Variants in DLGAP2 observed in about 807,000 individuals in gnomAD.
DLGAP2 encodes disks large-associated protein 2.
A neutral mutation model predicts 100.3 loss-of-function variants in DLGAP2; 26 were observed. The observed-to-expected ratio is 0.26, with a 90% CI of 0.19 to 0.36. DLGAP2 has a LOEUF of 0.36. Among genes scored for constraint, DLGAP2 ranks in the 10% least tolerant of loss-of-function variants. The pLI is 1.00. For synonymous variants in DLGAP2, 886 were observed against 630.1 expected, an observed-to-expected ratio of 1.41 and a Z score of -6.08; for missense variants, 1,858 against 1,453.2, an observed-to-expected ratio of 1.28 and a Z score of -4.53.
intron 2 of DLGAP2, among the ~76,000 whole-genome samples, chr8:1,249,287 G>A (rs1798984671): frequency 6.6e-6 from 1 of 152,102 alleles, no homozygotes; most frequent in Non-Finnish European, 1.5e-5. Context: ...CCTCTCTGTG[G>A]GTCCCGTGGG....
In DLGAP2 at chr8:1,669,356, C is replaced by CA. The variant is rs569432686; in HGVS notation, c.2161-386dup. On this transcript the variant is annotated intron_variant, in intron 9 of 14. Coordinates refer to ENST00000637795, the MANE Select transcript of DLGAP2 (RefSeq NM_001346810.2). Reference sequence around the variant, plus strand: ...CTCTGGCCGGCTCCTGCCCACGCTGCACCTCCCTCTGCAAGTCTGTTTTAG... The same window carrying CA: ...CTCTGGCCGGCTCCTGCCCACGCTGCAACCTCCCTCTGCAAGTCTGTTTTAG... Among the ~76,000 whole-genome samples, 145 of 152,354 alleles carry CA rather than the reference C, an allele frequency of 9.5e-4. 2 individuals are homozygous for CA. In the South Asian group the frequency reaches 0.01, roughly 11 times the overall value.
intron 3 of DLGAP2, among the ~76,000 whole-genome samples, chr8:1,345,244 C>T (rs1214223381): frequency 2.6e-5 from 4 of 151,816 alleles, no homozygotes; most frequent in African/African-American, 9.7e-5. Context: ...GGCTCAGTTC[C>T]TTCAGGGCAG....
intron 2 of DLGAP2, among the ~76,000 whole-genome samples, chr8:1,032,168 G>A (rs1801993452): frequency 6.6e-6 from 1 of 152,242 alleles, no homozygotes; most frequent in South Asian, 2.1e-4. Context: ...GCAAGTTAGC[G>A]CATCCATCGA....
chr8:1,660,752 T>A (rs1182358899), intron 8 of DLGAP2, among the ~76,000 whole-genome samples: 1 of 152,206 alleles, frequency 6.6e-6, no homozygotes, highest in Non-Finnish European at 1.5e-5. Context: ...ACATATTCCC[T>A]CCTGCAGAGA....
At chr8:1,200,568 G>C (rs1563249243) in intron 2 of DLGAP2, among the ~76,000 whole-genome samples, 1 of 152,174 alleles carries the variant, frequency 6.6e-6, no homozygotes, top group Non-Finnish European at 1.5e-5. Flanking sequence ...TCCGGAAAGA[G>C]CCTCCCGCCT....
rs144758952 is a variant in DLGAP2 at position 1,597,052 on chromosome 8, G to A, written c.1443-29688G>A. Among the ~76,000 whole-genome samples, 18 of 152,270 alleles carry A rather than the reference G, an allele frequency of 1.2e-4. 1 individual carries two copies. Among genetic ancestry groups the A allele is most frequent in the African/African-American group, 4.3e-4 (18 of 41,544 alleles). ...GAGTTAATTTTAGTATAAGGTGTAA[G>A]GAAGGAGTCCAGTTTCAGTTTTCTG... On this transcript the variant is annotated intron_variant, in intron 6 of 14. Transcript: ENST00000637795.
At chr8:1,488,233 G>A (rs1584948769) in intron 3 of DLGAP2, among the ~76,000 whole-genome samples, 2 of 152,042 alleles carry the variant, frequency 1.3e-5, no homozygotes, top group South Asian at 2.1e-4. Context: ...CTCCCACCCG[G>A]CAGTTCACAG....
At chr8:1,084,773 G>C (rs1803920483) in intron 2 of DLGAP2, among the ~76,000 whole-genome samples, 1 of 152,110 alleles carries the variant, frequency 6.6e-6, no homozygotes, top group Non-Finnish European at 1.5e-5. Flanking sequence ...TTTATTCGTT[G>C]CTCCCTTGAT....
rs1799701690 is a variant in DLGAP2 at position 1,706,259 on chromosome 8, T to A, written c.*4853T>A. The A allele has an allele frequency of 6.6e-6, 1 of 152,250 alleles. No homozygotes were observed. Among genetic ancestry groups the A allele is most frequent in the African/African-American group, 2.4e-5 (1 of 41,462 alleles). The allele number at this position is 152,250 out of a possible 1,614,324, so 9.4% of individuals were successfully genotyped here. The stretch of plus-strand genomic sequence containing the variant: ...GCCGGCAACTCATCTCAAGTTTATG[T>A]CTCAGTTTTTTTCCTCTAGAAAGGG... On this transcript the variant is annotated 3_prime_UTR_variant, in exon 15 of 15. Transcript: ENST00000637795.
At chr8:1,527,670 T>A (rs1800839131) in intron 4 of DLGAP2, among the ~76,000 whole-genome samples, 1 of 152,166 alleles carries the variant, frequency 6.6e-6, no homozygotes, top group Admixed American at 6.5e-5. Context: ...ACGGAAATAT[T>A]CAGAATGTAA....
At chr8:1,597,479 A>G (rs2130692988) in intron 6 of DLGAP2, among the ~76,000 whole-genome samples, 1 of 152,082 alleles carries the variant, frequency 6.6e-6, no homozygotes, top group South Asian at 2.1e-4. Flanking sequence ...TTTTCACAAT[A>G]TTGGTTCTTC....
At chr8:892,167 G>A (rs757933808) in intron 1 of DLGAP2, among the ~76,000 whole-genome samples, 5 of 152,136 alleles carry the variant, frequency 3.3e-5, no homozygotes, top group Non-Finnish European at 7.4e-5. Flanking sequence ...AACTCGAGAC[G>A]GAACCACCTT....
chr8:1,680,749 C>A (rs2130858834), intron 12 of DLGAP2: 1 of 152,362 alleles, frequency 6.6e-6, no homozygotes, highest in Non-Finnish European at 1.5e-5. Context: ...TCATTTTCTG[C>A]AGCATCTTCC....
At chr8:1,437,502 T>G (rs1180760910) in intron 3 of DLGAP2, among the ~76,000 whole-genome samples, 2 of 152,210 alleles carry the variant, frequency 1.3e-5, no homozygotes, top group Non-Finnish European at 2.9e-5. Flanking sequence ...GAGCAGGTTC[T>G]GACATCGACC....
At chr8:1,614,362 C>A (rs952867215) in intron 6 of DLGAP2, among the ~76,000 whole-genome samples, 1 of 152,232 alleles carries the variant, frequency 6.6e-6, no homozygotes, top group Non-Finnish European at 1.5e-5. Context: ...TTACCAGCCA[C>A]ATTGGCAGAG....
At position 1,557,109 on chromosome 8, in the gene DLGAP2, C is replaced by T. The variant is rs191051628; in HGVS notation, c.1230+7426C>T. Among the ~76,000 whole-genome samples the T allele has an allele frequency of 4.9e-3, 742 of 152,250 alleles. 5 individuals carry two copies. The highest frequency in any genetic ancestry group is 8.0e-3 in the Non-Finnish European group (544 of 68,022). On this transcript the variant is annotated intron_variant, in intron 5 of 14. Transcript: ENST00000637795. ...GATGTTGAGCAGCATTTCTGGGCTC[C>T]ACCTACTACCTGCCGGAAGCACCCC...
chr8:1,220,536 C>G (rs1326266037), intron 2 of DLGAP2, among the ~76,000 whole-genome samples: 1 of 152,102 alleles, frequency 6.6e-6, no homozygotes, highest in Non-Finnish European at 1.5e-5. Context: ...TGTTATCAAT[C>G]TTGGAATATG....
At chr8:1,432,185 C>T (rs1797471325) in intron 3 of DLGAP2, among the ~76,000 whole-genome samples, 1 of 152,236 alleles carries the variant, frequency 6.6e-6, no homozygotes, top group South Asian at 2.1e-4. Flanking sequence ...GTTTCTCTTT[C>T]TGCTTTTTTG....
intron 4 of DLGAP2, among the ~76,000 whole-genome samples, chr8:1,530,321 C>G (rs928598924): frequency 1.3e-5 from 2 of 152,138 alleles, no homozygotes; most frequent in African/African-American, 2.4e-5. Flanking sequence ...GATATTTCTC[C>G]CATTTGCTTT....
Sources: allele counts gnomAD v4.1 joint callset (sites outside exome capture counted in the v4.1 genomes callset), GRCh38; gene constraint gnomAD v4.1.1; transcripts MANE v1.5; gene names NCBI Gene and HGNC (gene_info 2026-07-23, HGNC 2026-07-21).